Variants in PTPN7 observed in about 807,000 individuals in gnomAD.
PTPN7 encodes protein tyrosine phosphatase non-receptor type 7.
In PTPN7, 33 loss-of-function variants were observed where a neutral mutation model predicts 50.3. That is an observed-to-expected ratio of 0.66 (90% CI 0.50 to 0.88). PTPN7 has a LOEUF of 0.88. Among genes scored for constraint, PTPN7 ranks in the 40% least tolerant of loss-of-function variants. The pLI is 0.00. For missense variants in PTPN7, 412 were observed against 475.4 expected (o/e 0.87, Z 1.24); for synonymous variants, 185 against 186.6 (o/e 0.99, Z 0.07).
Position 202,159,459 on chromosome 1 carries a change from AAGAC to A in PTPN7, c.-52-9_-52-6del. 6.2e-7 allele frequency: 1 copy of A among 1,610,030 alleles called. No individual in the cohort carries two copies. ...TCACTCAGCCATGAGGTCTGCCTGA[AAGAC>A]AGGGCCCTCCGCTGCTGTTCTCTGG... is the stretch of plus-strand genomic sequence containing the variant. On this transcript the variant is annotated splice_polypyrimidine_tract_variant and splice_region_variant and intron_variant, in intron 1 of 9. Coordinates refer to ENST00000691036, the MANE Select transcript of PTPN7 (RefSeq NM_002832.4). This position sits in a 1 kb window ranked among gnomAD's most constrained non-coding sequence, Gnocchi z 4.6.
intron 9 of PTPN7, chr1:202,149,855 CAG>C (rs901207569): frequency 2.7e-5 from 3 of 110,544 alleles, no homozygotes; most frequent in Non-Finnish European, 5.2e-5. Context: ...TTTTTTGAGT[CAG>C]AGTCTTGCTC....
In PTPN7 at chr1:202,155,583, G is replaced by A. The variant is rs139750906; in HGVS notation, c.418C>T (p.Arg140Trp). 971 of 1,571,578 alleles carry A rather than the reference G, an allele frequency of 6.2e-4. No individual in the cohort carries two copies. The highest frequency in any genetic ancestry group is 6.2e-4 in the Non-Finnish European group (711 of 1,141,586). ...PNPQSRVCLG[R>W]AQSQEDGDYI... Reference sequence around the variant, plus strand: ...TCTCCGTCCTCCTGGCTCTGTGCCCGGCCTAGACAGACACGGCTCTGGGGA... The same window carrying A: ...TCTCCGTCCTCCTGGCTCTGTGCCCAGCCTAGACAGACACGGCTCTGGGGA... Residue 140 changes from arginine (R) to tryptophan (W), a missense_variant, in exon 5 of 10, where the codon CGG (arginine) becomes TGG (tryptophan). By Grantham distance (101) the Arg-to-Trp change is moderately radical. Coordinates refer to ENST00000691036, the MANE Select transcript of PTPN7 (RefSeq NM_002832.4).
Position 202,159,735 on chromosome 1 carries a change from C to T in PTPN7, c.-52-281G>A. The T allele has an allele frequency of 7.4e-7, 1 of 1,353,168 alleles. No individual in the cohort carries two copies. Among genetic ancestry groups the T allele is most frequent in the Non-Finnish European group, 9.5e-7 (1 of 1,053,594 alleles). The allele number at this position is 1,353,168 out of a possible 1,614,324, so 83.8% of individuals were successfully genotyped here. A position where few individuals can be genotyped will look rare whatever the true frequency, so the allele number is the denominator to read the frequency against. The stretch of plus-strand genomic sequence containing the variant: ...AAAGAGAGAGGGGAGAGAGGCCACA[C>T]ACCAGAGTACACAGGGCTCTGAGCA... On this transcript the variant is annotated intron_variant, in intron 1 of 9. Transcript: ENST00000691036. The surrounding 1 kb of genome is among the most constrained non-coding windows in gnomAD (Gnocchi z 4.6).
chr1:202,161,349 C>T, upstream of PTPN7: 1 of 1,206,176 alleles, frequency 8.3e-7, no homozygotes. Flanking sequence ...CCCTGCAGGC[C>T]TCCTCCCAGA....
At chr1:202,154,363 G>C in intron 5 of PTPN7, 40 bp from the exon 6 acceptor site, 1 of 1,588,128 alleles carries the variant, frequency 6.3e-7, no homozygotes, top group East Asian at 2.2e-5. Flanking sequence ...GGGGAGCAGT[G>C]AGAGCAGAGC....
In PTPN7 at chr1:202,150,512, A is replaced by T. The variant is rs1655882783; in HGVS notation, c.876-88T>A. The T allele has an allele frequency of 3.0e-6, 3 of 1,006,246 alleles. No homozygotes were observed. The East Asian group carries it at 7.9e-5, about 26-fold the overall frequency. The allele number at this position is 1,006,246 out of a possible 1,614,324, so 62.3% of individuals were successfully genotyped here. On this transcript the variant is annotated intron_variant, in intron 8 of 9. Transcript: ENST00000691036. ...CCCAAACTATGGAGAAAGAAATGGGACCTGCAGGTGCTATATTTTGGGGAT... is the reference window on the plus strand; with the variant it reads ...CCCAAACTATGGAGAAAGAAATGGGTCCTGCAGGTGCTATATTTTGGGGAT...
intron 7 of PTPN7, among the ~76,000 whole-genome samples, chr1:202,153,194 C>G (rs767281082): frequency 1.3e-5 from 2 of 152,072 alleles, no homozygotes; most frequent in Non-Finnish European, 2.9e-5. Flanking sequence ...GACAGTCTCA[C>G]TCCGTCACCC....
At position 202,155,599 on chromosome 1, in the gene PTPN7, G is replaced by T; in HGVS notation, c.402C>A (p.Ser134Arg). 6.4e-7 allele frequency: 1 copy of T among 1,561,534 alleles called. No homozygotes were observed. Reference sequence around the variant, plus strand: ...TCTGTGCCCGGCCTAGACAGACACGGCTCTGGGGATCTAGGAAATAAAAAT... The same window carrying T: ...TCTGTGCCCGGCCTAGACAGACACGTCTCTGGGGATCTAGGAAATAAAAAT... ...RYKTILPNPQSRVCLGRAQSQ... is the reference protein window; with the variant it reads ...RYKTILPNPQRRVCLGRAQSQ... Residue 134 changes from serine to arginine, a missense_variant, in exon 5 of 10, where the codon AGC becomes AGA. Coordinates refer to ENST00000691036, the MANE Select transcript of PTPN7 (RefSeq NM_002832.4).
At position 202,152,658 on chromosome 1, in the gene PTPN7, C is replaced by G. The variant is rs61757799; in HGVS notation, c.759G>C (p.Ser253=). The G allele has an allele frequency of 7.4e-6, 12 of 1,613,970 alleles. No homozygotes were observed. The highest frequency in any genetic ancestry group is 4.0e-5 in the African/African-American group (3 of 74,888). Reference sequence around the variant, plus strand: ...CTGGTGTCTGATGGTCTGGCCAGGCCGAAAAGAGGATGTGCTTTACTGACC... The same window carrying G: ...CTGGTGTCTGATGGTCTGGCCAGGCGGAAAAGAGGATGTGCTTTACTGACC... The part of the protein sequence containing the change: ...ERRSVKHILF[S]AWPDHQTPES... The change falls in exon 8 of 10, where the codon TCG becomes TCC. Residue 253 remains serine (S), a synonymous_variant. Transcript: ENST00000691036.
chr1:202,155,506 G>T, intron 5 of PTPN7, 27 bp downstream of exon 5: 1 of 1,522,528 alleles, frequency 6.6e-7, no homozygotes, highest in Non-Finnish European at 9.1e-7. Flanking sequence ...CCCATTCCCC[G>T]CCCACCACTG....
upstream of PTPN7, chr1:202,160,754 G>C: frequency 6.4e-7 from 1 of 1,550,664 alleles, no homozygotes; most frequent in Non-Finnish European, 8.7e-7. The surrounding 1 kb of genome is among the most constrained non-coding windows in gnomAD (Gnocchi z 4.8). Context: ...GCCCTTCTGG[G>C]GCCCAAGGCC....
At position 202,160,057 on chromosome 1, in the gene PTPN7, C is replaced by T. The variant is rs893097032; in HGVS notation, c.-53+488G>A. ...TCCTTCCTCCTCCTGCCCATCCCCC[C>T]GTCTCCCGCCTCTGTAACCGTCACA... On this transcript the variant is annotated intron_variant, in intron 1 of 9. Coordinates refer to ENST00000691036, the MANE Select transcript of PTPN7 (RefSeq NM_002832.4). The surrounding 1 kb of genome is among the most constrained non-coding windows in gnomAD (Gnocchi z 4.8). The T allele has an allele frequency of 5.6e-5, 49 of 872,496 alleles. No homozygotes were observed. The highest frequency in any genetic ancestry group is 1.6e-4 in the African/African-American group (9 of 54,884). The allele number at this position is 872,496 out of a possible 1,614,324, so 54.0% of individuals were successfully genotyped here. A position where few individuals can be genotyped will look rare whatever the true frequency, so the allele number is the denominator to read the frequency against.
rs775892884 is a variant in PTPN7 at position 202,153,676 on chromosome 1, C to T, written c.717+49G>A. 41 of 1,468,972 alleles carry T rather than the reference C, an allele frequency of 2.8e-5. No homozygotes were observed. The East Asian group carries it at 9.1e-4, about 33-fold the overall frequency. 91.0% of individuals were successfully genotyped at this position (1,468,972 alleles called of 1,614,324 possible). A position where few individuals can be genotyped will look rare whatever the true frequency, so the allele number is the denominator to read the frequency against. On this transcript the variant is annotated intron_variant, in intron 7 of 9. Transcript: ENST00000691036. Reference sequence around the variant, plus strand: ...AGAGCCAGCCTGAGTCCCAGAGATGCTGTGGGCGGCCCAACTTCCCACTGG... The same window carrying T: ...AGAGCCAGCCTGAGTCCCAGAGATGTTGTGGGCGGCCCAACTTCCCACTGG...
At position 202,160,500 on chromosome 1, in the gene PTPN7, C is replaced by T. The variant is rs970535392; in HGVS notation, c.-53+45G>A. Reference sequence around the variant, plus strand: ...CCCTCTTATATCCCCGGAGTTCGCACCCCCCGGGGCCACAGGACTCCCAGT... The same window carrying T: ...CCCTCTTATATCCCCGGAGTTCGCATCCCCCGGGGCCACAGGACTCCCAGT... On this transcript the variant is annotated intron_variant, in intron 1 of 9. Coordinates refer to ENST00000691036, the MANE Select transcript of PTPN7 (RefSeq NM_002832.4). This position sits in a 1 kb window ranked among gnomAD's most constrained non-coding sequence, Gnocchi z 4.8. 2.7e-6 allele frequency: 4 copies of T among 1,501,680 alleles called. No individual in the cohort carries two copies. Among genetic ancestry groups the T allele is most frequent in the African/African-American group, 2.8e-5 (2 of 72,130 alleles). The allele number at this position is 1,501,680 out of a possible 1,614,324, so 93.0% of individuals were successfully genotyped here.
In PTPN7 at chr1:202,160,233, G is replaced by A. The variant is rs1339306872; in HGVS notation, c.-53+312C>T. Among the ~76,000 whole-genome samples, 1 of 152,138 alleles carries A rather than the reference G, an allele frequency of 6.6e-6. No individual in the cohort carries two copies. Among genetic ancestry groups the A allele is most frequent in the Admixed American group, 6.5e-5 (1 of 15,276 alleles). ...GGTCACAGTGGGCGAGGTGGCGGGG[G>A]TGTTGAATCACCAAGGCAGCAGGGA... is the stretch of plus-strand genomic sequence containing the variant. On this transcript the variant is annotated intron_variant, in intron 1 of 9. Transcript: ENST00000691036. This position sits in a 1 kb window ranked among gnomAD's most constrained non-coding sequence, Gnocchi z 4.8.
In PTPN7 at chr1:202,160,109, C is replaced by T. The variant is rs534245186; in HGVS notation, c.-53+436G>A. 6.2e-5 allele frequency: 31 copies of T among 499,860 alleles called. No individual in the cohort carries two copies. Among genetic ancestry groups the T allele is most frequent in the Admixed American group, 3.4e-4 (6 of 17,544 alleles). The allele number at this position is 499,860 out of a possible 1,614,324, so 31.0% of individuals were successfully genotyped here. ...GAAATGGCCTCACCAAGCCCTTGAA[C>T]GACAGCGCATGGTGAGGCGACAGCT... On this transcript the variant is annotated intron_variant, in intron 1 of 9. Coordinates refer to ENST00000691036, the MANE Select transcript of PTPN7 (RefSeq NM_002832.4). This position sits in a 1 kb window ranked among gnomAD's most constrained non-coding sequence, Gnocchi z 4.8.
At chr1:202,155,455 C>G in intron 5 of PTPN7, 78 bp downstream of exon 5, 1 of 1,391,462 alleles carries the variant, frequency 7.2e-7, no homozygotes, top group Non-Finnish European at 1.0e-6. Flanking sequence ...CCTGATCCAC[C>G]AGCCATGGCT....
Position 202,148,498 on chromosome 1 carries a change from C to G in PTPN7, c.*108G>C. 1 of 965,254 alleles carries G rather than the reference C, an allele frequency of 1.0e-6. No individual in the cohort carries two copies. Among genetic ancestry groups the G allele is most frequent in the Non-Finnish European group, 1.5e-6 (1 of 647,980 alleles). The allele number at this position is 965,254 out of a possible 1,614,324, so 59.8% of individuals were successfully genotyped here. ...GCACCACTAAGGAGGCACTCCTTCC[C>G]CACACCAACCCAAGGGGTACCCCCA... On this transcript the variant is annotated 3_prime_UTR_variant, in exon 10 of 10. Coordinates refer to ENST00000691036, the MANE Select transcript of PTPN7 (RefSeq NM_002832.4).
In PTPN7 at chr1:202,159,169, A is replaced by G; in HGVS notation, c.122+112T>C. ...TTTCCTTTCCAAATTGGAGTCAACA[A>G]CTGAGGGCCCTCTGGACCCTGCTGT... On this transcript the variant is annotated intron_variant, in intron 2 of 9. Transcript: ENST00000691036. The surrounding 1 kb of genome is among the most constrained non-coding windows in gnomAD (Gnocchi z 4.6). 9.4e-7 allele frequency: 1 copy of G among 1,059,874 alleles called. No individual in the cohort carries two copies. The highest frequency in any genetic ancestry group is 1.4e-5 in the South Asian group (1 of 68,980). 65.7% of individuals were successfully genotyped at this position (1,059,874 alleles called of 1,614,324 possible). A position where few individuals can be genotyped will look rare whatever the true frequency, so the allele number is the denominator to read the frequency against.
Sources: gnomAD v4.1 joint callset for allele counts (sites outside exome capture counted in the v4.1 genomes callset) on GRCh38, gnomAD v4.1.1 for gene constraint, Gnocchi (gnomAD v3.1) non-coding constraint, MANE v1.5 for transcripts, NCBI Gene and HGNC (gene_info 2026-07-23, HGNC 2026-07-21) for gene names.